Variants in DNAH12 observed in about 807,000 individuals in gnomAD.
The protein encoded by DNAH12 is dynein axonemal heavy chain 12, also known as axonemal beta dynein heavy chain 12.
DNAH12 carries 285 observed loss-of-function variants against 371.5 expected under a neutral mutation model. The observed-to-expected ratio is 0.77, with a 90% CI of 0.70 to 0.85. DNAH12 has a LOEUF of 0.85. Ranked by LOEUF, DNAH12 falls within the 40% of genes least tolerant of loss-of-function variation. DNAH12 has a pLI of 0.00. For synonymous variants in DNAH12, 1,200 were observed against 1,213.0 expected, an observed-to-expected ratio of 0.99 and a Z score of 0.22; for missense variants, 3,611 against 3,689.4, an observed-to-expected ratio of 0.98 and a Z score of 0.55.
chr3:57,344,208 C>T (rs191942328), intron 60 of DNAH12, among the ~76,000 whole-genome samples: 153 of 152,370 alleles, frequency 1.0e-3, no homozygotes, highest in Non-Finnish European at 1.8e-3. Flanking sequence ...GCAGGCCACC[C>T]CTTCAGGAAA....
chr3:57,300,606 C>T (rs756023007), intron 70 of DNAH12, among the ~76,000 whole-genome samples: 3 of 151,848 alleles, frequency 2.0e-5, no homozygotes, highest in African/African-American at 4.8e-5. Context: ...TAAAGAAAGT[C>T]GAATGGAAAC....
In DNAH12 at chr3:57,408,593, T is replaced by A; in HGVS notation, c.6021-58A>T. ...CTGTTATAAAGACATTAAGATGGGA[T>A]GAAATATAGATCTCCCAAGAAATTT... On this transcript the variant is annotated intron_variant, in intron 39 of 73. Transcript: ENST00000495027. 4 of 1,407,366 alleles carry A rather than the reference T, an allele frequency of 2.8e-6. No homozygotes were observed. In the South Asian group the frequency reaches 6.9e-5, roughly 24 times the overall value. The allele number at this position is 1,407,366 out of a possible 1,614,324, so 87.2% of individuals were successfully genotyped here.
intron 7 of DNAH12, 103 bp from the exon 8 acceptor site, chr3:57,507,941 C>CCTCCCAAAGTGCTGAG: frequency 2.8e-6 from 3 of 1,057,480 alleles, no homozygotes; most frequent in Non-Finnish European, 2.6e-6. Flanking sequence ...GTAATCTCAG[C>CCTCCCAAAGTGCTGAG]ACTTTGGGAG....
chr3:57,507,057 C>T (rs1179245739), intron 8 of DNAH12, among the ~76,000 whole-genome samples: 1 of 151,386 alleles, frequency 6.6e-6, no homozygotes, highest in Non-Finnish European at 1.5e-5. Context: ...TTTAAATATG[C>T]TAGACAAAAT....
rs79676665 is a variant in DNAH12 at position 57,419,196 on chromosome 3, T to C, written c.5714+171A>G. Among the ~76,000 whole-genome samples the C allele has an allele frequency of 8.5e-4, 129 of 152,344 alleles. 4 individuals are homozygous for C. In the East Asian group the frequency reaches 0.016, roughly 18 times the overall value. ...GCTTTGGAGTGGGCAATGGGAAATG[T>C]GTATTCCAGGTTTGCCAATAGCAAC... is the stretch of plus-strand genomic sequence containing the variant. On this transcript the variant is annotated intron_variant, in intron 37 of 73. Transcript: ENST00000495027.
chr3:57,435,155 T>C (rs1302434851), intron 30 of DNAH12, among the ~76,000 whole-genome samples: 1 of 152,010 alleles, frequency 6.6e-6, no homozygotes, highest in Non-Finnish European at 1.5e-5. Flanking sequence ...GCAGATCACT[T>C]GAGGTCAGGA....
At chr3:57,404,102 AG>A (rs1219664835) in intron 42 of DNAH12, among the ~76,000 whole-genome samples, 3 of 152,246 alleles carry the variant, frequency 2.0e-5, no homozygotes, top group African/African-American at 7.2e-5. Flanking sequence ...TCCCACTTAT[AG>A]GAAAATAGCC....
chr3:57,532,467 G>T lies in DNAH12; in HGVS notation c.171-8583C>A, dbSNP rs897859921. On this transcript the variant is annotated intron_variant, in intron 2 of 73. Transcript: ENST00000495027. ...CAGTCTTCGCAGTCTGGGCTTGTTT[G>T]TGTCTGTCCTTGGGAAGGCTTTCCA... Among the ~76,000 whole-genome samples, 3 of 152,274 alleles carry T rather than the reference G, an allele frequency of 2.0e-5. No individual in the cohort carries two copies. In the East Asian group the frequency reaches 5.8e-4, roughly 29 times the overall value.
chr3:57,309,528 A>T, intron 68 of DNAH12, 138 bp downstream of exon 68: 2 of 857,894 alleles, frequency 2.3e-6, no homozygotes, highest in Non-Finnish European at 3.3e-6. Flanking sequence ...ATCACCATTT[A>T]ACGGATTTGG....
chr3:57,524,972 G>A (rs1031093175), intron 2 of DNAH12, among the ~76,000 whole-genome samples: 5 of 151,952 alleles, frequency 3.3e-5, no homozygotes, highest in African/African-American at 1.2e-4. Flanking sequence ...ACATATTTAG[G>A]AAGACAAATC....
rs953694308 is a variant in DNAH12, at chr3:57,358,036, G to A, written c.9361-688C>T. On this transcript the variant is annotated intron_variant, in intron 58 of 73. Transcript: ENST00000495027. Reference sequence around the variant, plus strand: ...GATATTCTATAGAAAAAAATGTTTCGAGCACTATTCCAACTCACTCTTCTT... The same window carrying A: ...GATATTCTATAGAAAAAAATGTTTCAAGCACTATTCCAACTCACTCTTCTT... Among the ~76,000 whole-genome samples the A allele has an allele frequency of 6.7e-4, 102 of 152,180 alleles. 1 individual carries two copies. Among genetic ancestry groups the A allele is most frequent in the African/African-American group, 2.4e-3 (101 of 41,542 alleles).
chr3:57,363,189 A>G (rs1351277739), intron 58 of DNAH12, among the ~76,000 whole-genome samples: 1 of 152,162 alleles, frequency 6.6e-6, no homozygotes, highest in Non-Finnish European at 1.5e-5. Flanking sequence ...AGGATTCCCT[A>G]TTTAATAAAT....
chr3:57,444,837 C>T, intron 28 of DNAH12, 21 bp from the exon 29 acceptor site: 1 of 1,538,916 alleles, frequency 6.5e-7, no homozygotes, highest in Non-Finnish European at 8.8e-7. Context: ...CCAAAAAGTA[C>T]AATGTTAAGT....
At chr3:57,477,089 G>C (rs1339995754) in intron 13 of DNAH12, among the ~76,000 whole-genome samples, 23 of 152,110 alleles carry the variant, frequency 1.5e-4, no homozygotes, top group African/African-American at 5.6e-4. Flanking sequence ...AGGTCAGTGG[G>C]TGCAGCGCAC....
Position 57,510,783 on chromosome 3 carries a change from T to C in DNAH12, c.469+7A>G. ...AAGAAGCCTGGTGTGTGTTAGATGC[T>C]ACTTACCCAAATATCTCTTCATGCT... On this transcript the variant is annotated splice_region_variant and intron_variant, in intron 5 of 73. Coordinates refer to ENST00000495027, the MANE Select transcript of DNAH12 (RefSeq NM_001366028.2). 1 of 1,613,228 alleles carries C rather than the reference T, an allele frequency of 6.2e-7. No individual in the cohort carries two copies. The highest frequency in any genetic ancestry group is 1.7e-4 in the Middle Eastern group (1 of 6,060).
intron 45 of DNAH12, among the ~76,000 whole-genome samples, chr3:57,387,756 C>T (rs1402239053): frequency 9.2e-5 from 14 of 152,110 alleles, no homozygotes; most frequent in Non-Finnish European, 1.6e-4. Context: ...CCTTTTTGGC[C>T]TACTTTCATT....
At chr3:57,426,398 T>G (rs2064768610) in intron 34 of DNAH12, among the ~76,000 whole-genome samples, 1 of 152,132 alleles carries the variant, frequency 6.6e-6, no homozygotes, top group African/African-American at 2.4e-5. Context: ...CCAGAGCAGC[T>G]GCATGGTATT....
chr3:57,414,043 A>G, intron 38 of DNAH12, 131 bp from the exon 39 acceptor site: 2 of 829,806 alleles, frequency 2.4e-6, no homozygotes, highest in Non-Finnish European at 1.8e-6. Context: ...ACCAGTAACA[A>G]TTACTATTTG....
intron 55 of DNAH12, among the ~76,000 whole-genome samples, chr3:57,373,305 T>C (rs1221786854): frequency 7.7e-6 from 1 of 129,628 alleles, no homozygotes; most frequent in Non-Finnish European, 1.6e-5. Flanking sequence ...AGTTAATCTA[T>C]ATTACTCAAC....
Sources: allele counts gnomAD v4.1 joint callset (sites outside exome capture counted in the v4.1 genomes callset), GRCh38; gene constraint gnomAD v4.1.1; transcripts MANE v1.5; gene names NCBI Gene and HGNC (gene_info 2026-07-23, HGNC 2026-07-21).